The following PDE6B variants were observed in gnomAD, a reference collection of about 807,000 sequenced individuals.
PDE6B encodes the protein phosphodiesterase 6B.
In PDE6B, 106 loss-of-function variants were observed where a neutral mutation model predicts 109.0. The ratio of observed to expected loss-of-function variants is 0.97; its 90% CI spans 0.83 to 1.14. The LOEUF (loss-of-function observed/expected upper bound fraction) is 1.14. PDE6B is among the 50% of genes most tolerant of loss of function. The pLI is 0.00. For synonymous variants in PDE6B, 490 were observed against 471.3 expected (o/e 1.04, Z -0.51); for missense variants, 1,193 against 1,155.6 (o/e 1.03, Z -0.47).
In PDE6B at chr4:665,011, GGGAGCCTCGGATGGCAAC is replaced by G. The variant is rs1737626730; in HGVS notation, c.2193+71_2193+88del. ...CAGCACATGGGACTGCCGGGCGGGC[GGGAGCCTCGGATGGCAAC>G]GGACCATTGTTTGCAAGGAGCTCTG... On this transcript the variant is annotated intron_variant, in intron 18 of 21. Coordinates refer to ENST00000496514, the MANE Select transcript of PDE6B (RefSeq NM_000283.4). This position sits in a 1 kb window ranked among gnomAD's most constrained non-coding sequence, Gnocchi z 4.0. The G allele has an allele frequency of 2.3e-6, 3 of 1,298,306 alleles. No individual in the cohort carries two copies. The highest frequency in any genetic ancestry group is 3.4e-6 in the Non-Finnish European group (3 of 894,302). 80.4% of individuals were successfully genotyped at this position (1,298,306 alleles called of 1,614,324 possible). A position where few individuals can be genotyped will look rare whatever the true frequency, so the allele number is the denominator to read the frequency against.
intron 3 of PDE6B, among the ~76,000 whole-genome samples, chr4:637,366 A>G (rs1383911305): frequency 2.0e-5 from 3 of 151,918 alleles, no homozygotes; most frequent in South Asian, 2.1e-4. Flanking sequence ...GATCACAGAC[A>G]TGTGCCTCCA....
At chr4:642,849 T>G (rs960735240) in intron 3 of PDE6B, among the ~76,000 whole-genome samples, 1 of 151,572 alleles carries the variant, frequency 6.6e-6, no homozygotes, top group Admixed American at 6.6e-5. Context: ...TCAGAATGAG[T>G]GTTGGATTTT....
At chr4:645,435 A>ACAGGCG (rs1424266264) in intron 3 of PDE6B, among the ~76,000 whole-genome samples, 2 of 151,502 alleles carry the variant, frequency 1.3e-5, no homozygotes, top group African/African-American at 2.4e-5. Flanking sequence ...AGCTGGGACT[A>ACAGGCG]CAGGCGCCCG....
At position 626,107 on chromosome 4, in the gene PDE6B, G is replaced by A. The variant is rs376870992; in HGVS notation, c.468+13G>A. Reference sequence around the variant, plus strand: ...GGACGTGGCCGAGGTGGGTCTGTGCGGAGCCTCAGGGAGGCGGCTGTGTGC... The same window carrying A: ...GGACGTGGCCGAGGTGGGTCTGTGCAGAGCCTCAGGGAGGCGGCTGTGTGC... On this transcript the variant is annotated intron_variant, in intron 1 of 21. Coordinates refer to ENST00000496514, the MANE Select transcript of PDE6B (RefSeq NM_000283.4). The surrounding 1 kb of genome is among the most constrained non-coding windows in gnomAD (Gnocchi z 4.6). The A allele has an allele frequency of 3.8e-5, 56 of 1,462,172 alleles. No homozygotes were observed. The highest frequency in any genetic ancestry group is 1.7e-4 in the African/African-American group (12 of 71,860). 90.6% of individuals were successfully genotyped at this position (1,462,172 alleles called of 1,614,324 possible). A position where few individuals can be genotyped will look rare whatever the true frequency, so the allele number is the denominator to read the frequency against.
At position 663,271 on chromosome 4, in the gene PDE6B, G is replaced by C. The variant is rs28438722; in HGVS notation, c.1920+84G>C. ...CGGCAGGGCCGTATCCTGCGGAGCA[G>C]GGTTCTGATGCAGCGGGTGAGCACT... On this transcript the variant is annotated intron_variant, in intron 15 of 21. Coordinates refer to ENST00000496514, the MANE Select transcript of PDE6B (RefSeq NM_000283.4). This position sits in a 1 kb window ranked among gnomAD's most constrained non-coding sequence, Gnocchi z 4.0. 3.4e-3 allele frequency: 2,824 copies of C among 832,598 alleles called. 35 individuals carry two copies. The African/African-American group carries it at 0.034, about 10-fold the overall frequency. 51.6% of individuals were successfully genotyped at this position (832,598 alleles called of 1,614,324 possible).
rs115642175 is a variant in PDE6B, at chr4:648,454, C to T, written c.712-5398C>T. ...CGCAGTCCGCCCAACGCCTGCACTT[C>T]GTCTGCCTCCTCCTTGAGCTGTGGA... On this transcript the variant is annotated intron_variant, in intron 3 of 21. Transcript: ENST00000496514. This position sits in a 1 kb window ranked among gnomAD's most constrained non-coding sequence, Gnocchi z 4.5. Among the ~76,000 whole-genome samples, 842 of 150,638 alleles carry T rather than the reference C, an allele frequency of 5.6e-3. 13 individuals carry two copies. The highest frequency in any genetic ancestry group is 0.019 in the African/African-American group (775 of 40,028).
intron 9 of PDE6B, 134 bp downstream of exon 9, chr4:657,157 G>T: frequency 8.5e-7 from 1 of 1,177,760 alleles, no homozygotes; most frequent in Admixed American, 1.9e-5. Context: ...ATGCGGCCAG[G>T]GAGAGGACGA....
At position 653,909 on chromosome 4, in the gene PDE6B, T is replaced by G. The variant is rs766492141; in HGVS notation, c.769T>G (p.Phe257Val). The change falls in exon 4 of 22, where the codon TTC becomes GTC. Residue 257 changes from phenylalanine to valine, a missense_variant. By Grantham distance (50) the Phe-to-Val change is conservative. Coordinates refer to ENST00000496514, the MANE Select transcript of PDE6B (RefSeq NM_000283.4). ...GGAGCTGACGGACATCGAGAGGCAG[T>G]TCCACAAGGCCTTCTACACGGTGCG... ...FEELTDIERQFHKAFYTVRAY... is the reference protein window; with the variant it reads ...FEELTDIERQVHKAFYTVRAY... 6.9e-5 allele frequency: 111 copies of G among 1,613,708 alleles called. No individual in the cohort carries two copies. The highest frequency in any genetic ancestry group is 9.2e-5 in the Non-Finnish European group (108 of 1,179,978).
At chr4:653,662 G>A in intron 3 of PDE6B, 190 bp from the exon 4 acceptor site, 2 of 686,612 alleles carry the variant, frequency 2.9e-6, no homozygotes, top group South Asian at 3.5e-5. Flanking sequence ...CAGCTCCCGG[G>A]CCCCACAAGC....
At position 666,558 on chromosome 4, in the gene PDE6B, G is replaced by C; in HGVS notation, c.2296G>C (p.Glu766Gln). Residue 766 changes from glutamate (E) to glutamine (Q), a missense_variant, in exon 20 of 22, where the codon GAG (glutamate) becomes CAG (glutamine). Transcript: ENST00000496514. This position sits in a 1 kb window ranked among gnomAD's most constrained non-coding sequence, Gnocchi z 5.6. ...TATGATGGACCGGAACAAGGCGGCC[G>C]AGCTCCCCAAGCTGCAAGTGGGCTT... is the stretch of plus-strand genomic sequence containing the variant. The part of the protein sequence containing the change: ...IPMMDRNKAA[E>Q]LPKLQVGFID... 1 of 1,613,184 alleles carries C rather than the reference G, an allele frequency of 6.2e-7. No individual in the cohort carries two copies. Among genetic ancestry groups the C allele is most frequent in the Non-Finnish European group, 8.5e-7 (1 of 1,179,408 alleles).
In PDE6B at chr4:663,893, C is replaced by T. The variant is rs781221527; in HGVS notation, c.2021+23C>T. On this transcript the variant is annotated intron_variant, in intron 16 of 21. Transcript: ENST00000496514. The surrounding 1 kb of genome is among the most constrained non-coding windows in gnomAD (Gnocchi z 4.0). ...CAAGTGCGCGCCTTCCGGGAGGGGGCGCCTCGCGGGGCGGGCGGGTAGCCT... is the reference window on the plus strand; with the variant it reads ...CAAGTGCGCGCCTTCCGGGAGGGGGTGCCTCGCGGGGCGGGCGGGTAGCCT... The T allele has an allele frequency of 1.9e-6, 3 of 1,564,128 alleles. No homozygotes were observed. The highest frequency in any genetic ancestry group is 2.3e-5 in the South Asian group (2 of 88,762).
intron 1 of PDE6B, among the ~76,000 whole-genome samples, chr4:629,722 G>A (rs1020123282): frequency 1.1e-4 from 17 of 152,352 alleles, no homozygotes; most frequent in Middle Eastern, 3.4e-3. Flanking sequence ...GTGGGAATCC[G>A]GAGATAGAGG....
In PDE6B at chr4:625,586, C is replaced by CGTGCCTGGAGCAGCA; in HGVS notation, c.-39_-25dup. 1 of 1,393,820 alleles carries CGTGCCTGGAGCAGCA rather than the reference C, an allele frequency of 7.2e-7. No homozygotes were observed. Among genetic ancestry groups the CGTGCCTGGAGCAGCA allele is most frequent in the Non-Finnish European group, 1.0e-6 (1 of 979,170 alleles). 86.3% of individuals were successfully genotyped at this position (1,393,820 alleles called of 1,614,324 possible). ...TGACAGGGTTTCCTGGGAGTCCATGCGTGCCTGGAGCAGCAGCGTCTCCAG... is the reference window on the plus strand; with the variant it reads ...TGACAGGGTTTCCTGGGAGTCCATGCGTGCCTGGAGCAGCAGTGCCTGGAGCAGCAGCGTCTCCAG... On this transcript the variant is annotated 5_prime_UTR_variant, in exon 1 of 22. Coordinates refer to ENST00000496514, the MANE Select transcript of PDE6B (RefSeq NM_000283.4). The surrounding 1 kb of genome is among the most constrained non-coding windows in gnomAD (Gnocchi z 5.0).
chr4:632,910 G>C (rs944990122), intron 1 of PDE6B, among the ~76,000 whole-genome samples: 1 of 152,172 alleles, frequency 6.6e-6, no homozygotes, highest in Non-Finnish European at 1.5e-5. Context: ...CAGCAACCAG[G>C]GAAGGACCCC....
chr4:666,189 C>T lies in PDE6B; in HGVS notation c.2269-342C>T, dbSNP rs1011042594. ...TCAGCCGAGTGTCTGGGCAGTGCAG[C>T]CCAGCCCGGCTCAGCACTGTGTACA... On this transcript the variant is annotated intron_variant, in intron 19 of 21. Coordinates refer to ENST00000496514, the MANE Select transcript of PDE6B (RefSeq NM_000283.4). This position sits in a 1 kb window ranked among gnomAD's most constrained non-coding sequence, Gnocchi z 5.6. Among the ~76,000 whole-genome samples the T allele has an allele frequency of 6.6e-6, 1 of 152,178 alleles. No individual in the cohort carries two copies. The highest frequency in any genetic ancestry group is 6.5e-5 in the Admixed American group (1 of 15,282).
chr4:629,627 C>T (rs1734283565), intron 1 of PDE6B, among the ~76,000 whole-genome samples: 1 of 152,244 alleles, frequency 6.6e-6, no homozygotes, highest in African/African-American at 2.4e-5. Flanking sequence ...TCCTGCACGT[C>T]GCCAGCAGTC....
chr4:627,088 G>C (rs984989852), intron 1 of PDE6B, among the ~76,000 whole-genome samples: 34 of 152,158 alleles, frequency 2.2e-4, no homozygotes, highest in African/African-American at 8.0e-4. Context: ...CCCAGGGGCA[G>C]GTGTGGTCCC....
In PDE6B at chr4:670,245, T is replaced by A. The variant is rs774473978; in HGVS notation, c.*138T>A. On this transcript the variant is annotated 3_prime_UTR_variant, in exon 22 of 22. Transcript: ENST00000496514. ...GATCATTCTGGATATTTTAATTTTT[T>A]TTTTTTTTTTTTTTTGAGATGGAGT... 1.3e-5 allele frequency: 18 copies of A among 1,340,344 alleles called. No homozygotes were observed. The Admixed American group carries it at 4.2e-4, about 31-fold the overall frequency. The allele number at this position is 1,340,344 out of a possible 1,614,324, so 83.0% of individuals were successfully genotyped here.
intron 3 of PDE6B, 79 bp from the exon 4 acceptor site, chr4:653,773 G>A: frequency 1.3e-6 from 2 of 1,519,304 alleles, no homozygotes; most frequent in South Asian, 2.2e-5. Context: ...TCAGGCTTGA[G>A]TTAAACCCCT....
Sources: allele counts gnomAD v4.1 joint callset (sites outside exome capture counted in the v4.1 genomes callset), GRCh38; gene constraint gnomAD v4.1.1; non-coding constraint Gnocchi (gnomAD v3.1); transcripts MANE v1.5; gene names NCBI Gene and HGNC (gene_info 2026-07-23, HGNC 2026-07-21).